Variants in MSRB3 observed in about 807,000 individuals in gnomAD.
MSRB3 encodes the protein methionine sulfoxide reductase B3.
MSRB3 carries 13 observed loss-of-function variants against 21.0 expected under a neutral mutation model. The ratio of observed to expected loss-of-function variants is 0.62; its 90% CI spans 0.40 to 0.98. The LOEUF (loss-of-function observed/expected upper bound fraction) is 0.98, where lower values mean the gene tolerates loss of function less well. Ranked by LOEUF, MSRB3 falls within the 50% of genes least tolerant of loss-of-function variation. MSRB3 has a pLI of 0.00. For missense variants in MSRB3, 199 were observed against 230.3 expected (o/e 0.86, Z 0.88); for synonymous variants, 87 against 88.6 (o/e 0.98, Z 0.10).
At chr12:65,457,590 T>A (rs1357834081) in intron 6 of MSRB3, among the ~76,000 whole-genome samples, 2 of 152,106 alleles carry the variant, frequency 1.3e-5, no homozygotes, top group African/African-American at 2.4e-5. Flanking sequence ...ATGGTGTAAT[T>A]GACAAATGGA....
intron 5 of MSRB3, among the ~76,000 whole-genome samples, chr12:65,411,553 G>A (rs959770437): frequency 2.0e-5 from 3 of 151,962 alleles, no homozygotes; most frequent in African/African-American, 7.2e-5. Context: ...CGTTAGATTA[G>A]CAAACGGTTA....
At chr12:65,460,736 CTTTTTT>C (rs869050828) in intron 6 of MSRB3, among the ~76,000 whole-genome samples, 125 of 132,970 alleles carry the variant, frequency 9.4e-4, no homozygotes, top group African/African-American at 3.1e-3. Flanking sequence ...CTCTTCCTCA[CTTTTTT>C]TTTTTTTTTT....
At chr12:65,440,357 A>G (rs982646254) in intron 5 of MSRB3, among the ~76,000 whole-genome samples, 1 of 151,870 alleles carries the variant, frequency 6.6e-6, no homozygotes, top group South Asian at 2.1e-4. Context: ...CAATAGATAT[A>G]GAAGAATAAT....
intron 5 of MSRB3, among the ~76,000 whole-genome samples, chr12:65,452,149 A>G (rs1056086427): frequency 6.6e-6 from 1 of 152,216 alleles, no homozygotes; most frequent in Admixed American, 6.5e-5. Context: ...GGTAAATTTA[A>G]TACAACAATG....
intron 5 of MSRB3, among the ~76,000 whole-genome samples, chr12:65,411,728 A>G (rs972506175): frequency 8.7e-5 from 13 of 149,676 alleles, no homozygotes; most frequent in Admixed American, 1.3e-4. Flanking sequence ...AGCTAGATTT[A>G]TAATATATAT....
chr12:65,287,129 C>T (rs1169942124), intron 1 of MSRB3, among the ~76,000 whole-genome samples: 1 of 137,752 alleles, frequency 7.3e-6, no homozygotes, highest in African/African-American at 2.7e-5. Flanking sequence ...TCTTTCATTT[C>T]TCTTTTTTTT....
At chr12:65,338,813 G>A (rs1875951885) in intron 4 of MSRB3, among the ~76,000 whole-genome samples, 1 of 152,194 alleles carries the variant, frequency 6.6e-6, no homozygotes, top group Admixed American at 6.5e-5. Context: ...GGTGGCTCAT[G>A]CCTGTAATTC....
chr12:65,360,250 A>T (rs1031637875), intron 4 of MSRB3, among the ~76,000 whole-genome samples: 2 of 152,154 alleles, frequency 1.3e-5, no homozygotes, highest in African/African-American at 4.8e-5. Context: ...TTGGGGGAAC[A>T]TAATTCATCC....
intron 2 of MSRB3, among the ~76,000 whole-genome samples, chr12:65,321,922 C>A (rs1191176939): frequency 6.6e-6 from 1 of 152,066 alleles, no homozygotes; most frequent in Non-Finnish European, 1.5e-5. Flanking sequence ...ACAAGACATT[C>A]TTATCTCTTA....
At chr12:65,361,297 A>G (rs2136517254) in intron 4 of MSRB3, among the ~76,000 whole-genome samples, 1 of 152,232 alleles carries the variant, frequency 6.6e-6, no homozygotes, top group East Asian at 1.9e-4. Context: ...TGTTTTATAG[A>G]TGGTAAGACT....
At chr12:65,394,733 A>G (rs1879684150) in intron 5 of MSRB3, among the ~76,000 whole-genome samples, 2 of 152,208 alleles carry the variant, frequency 1.3e-5, no homozygotes, top group African/African-American at 4.8e-5. Context: ...TTAAAACATA[A>G]CCAAGTGTGA....
At chr12:65,340,868 A>G (rs1484889238) in intron 4 of MSRB3, among the ~76,000 whole-genome samples, 1 of 152,120 alleles carries the variant, frequency 6.6e-6, no homozygotes, top group Admixed American at 6.5e-5. Flanking sequence ...ATAATATACA[A>G]AATTTGACTC....
At chr12:65,402,757 C>T (rs536543330) in intron 5 of MSRB3, among the ~76,000 whole-genome samples, 50 of 152,196 alleles carry the variant, frequency 3.3e-4, no homozygotes, top group African/African-American at 1.1e-3. Flanking sequence ...GATTTATCTA[C>T]CTTTGATGTT....
At chr12:65,401,058 A>G (rs1438204248) in intron 5 of MSRB3, among the ~76,000 whole-genome samples, 1 of 152,098 alleles carries the variant, frequency 6.6e-6, no homozygotes, top group Non-Finnish European at 1.5e-5. Flanking sequence ...AATAAGTGTG[A>G]TGAGGTGCTG....
chr12:65,365,477 T>C (rs1408424171), intron 4 of MSRB3, among the ~76,000 whole-genome samples: 1 of 152,154 alleles, frequency 6.6e-6, no homozygotes, highest in Non-Finnish European at 1.5e-5. Flanking sequence ...GAGTTAGAGA[T>C]GGATTGGAGA....
chr12:65,313,968 T>G (rs1874142706), intron 2 of MSRB3, among the ~76,000 whole-genome samples: 1 of 152,204 alleles, frequency 6.6e-6, no homozygotes, highest in African/African-American at 2.4e-5. Flanking sequence ...ATAGGTGCAT[T>G]GTGAAAACTT....
rs1057102167 is a variant in MSRB3 at position 65,410,678 on chromosome 12, G to A, written c.292+41652G>A. Among the ~76,000 whole-genome samples the A allele has an allele frequency of 2.6e-5, 4 of 152,202 alleles. 1 individual carries two copies. The highest frequency in any genetic ancestry group is 2.0e-4 in the Admixed American group (3 of 15,276). ...ACCCCAGCTCAGCAACTTGCTCATTGTGTAATCTTGGGAAATTGCTTAATA... is the reference window on the plus strand; with the variant it reads ...ACCCCAGCTCAGCAACTTGCTCATTATGTAATCTTGGGAAATTGCTTAATA... On this transcript the variant is annotated intron_variant, in intron 5 of 6. Coordinates refer to ENST00000308259, the MANE Select transcript of MSRB3 (RefSeq NM_001031679.3).
At chr12:65,280,673 CTCTT>C (rs1202134136) in intron 1 of MSRB3, among the ~76,000 whole-genome samples, 1 of 152,138 alleles carries the variant, frequency 6.6e-6, no homozygotes, top group Non-Finnish European at 1.5e-5. Context: ...AGATAAGTAG[CTCTT>C]TGCTACTTAT....
chr12:65,392,990 T>G lies in MSRB3; in HGVS notation c.292+23964T>G, dbSNP rs180974019. On this transcript the variant is annotated intron_variant, in intron 5 of 6. Coordinates refer to ENST00000308259, the MANE Select transcript of MSRB3 (RefSeq NM_001031679.3). ...TTGAGGATTACAAAGTTTCTTAGTA[T>G]TTCTAACAGTTTTTGTTTTATATGA... Among the ~76,000 whole-genome samples the G allele has an allele frequency of 1.7e-4, 26 of 152,288 alleles. No individual in the cohort carries two copies. The East Asian group carries it at 4.8e-3, about 28-fold the overall frequency.
Sources: gnomAD v4.1 joint callset for allele counts (sites outside exome capture counted in the v4.1 genomes callset) on GRCh38, gnomAD v4.1.1 for gene constraint, MANE v1.5 for transcripts, NCBI Gene and HGNC (gene_info 2026-07-23, HGNC 2026-07-21) for gene names.